MAP4K4: variants seen among roughly 807,000 people sequenced by gnomAD.
MAP4K4 encodes HPK/GCK-like kinase HGK.
Under a neutral mutation model 189.6 loss-of-function variants are expected in MAP4K4, and 38 were observed. The ratio of observed to expected loss-of-function variants is 0.20; its 90% CI spans 0.15 to 0.26. MAP4K4 has a LOEUF of 0.26. MAP4K4 is among the 10% of genes least tolerant of loss of function. MAP4K4 has a pLI of 1.00. For synonymous variants in MAP4K4, 610 were observed against 624.3 expected, an observed-to-expected ratio of 0.98 and a Z score of 0.34; for missense variants, 1,054 against 1,726.9, an observed-to-expected ratio of 0.61 and a Z score of 6.91.
chr2:101,776,305 C>T (rs990115465), intron 2 of MAP4K4, among the ~76,000 whole-genome samples: 7 of 152,270 alleles, frequency 4.6e-5, no homozygotes, highest in African/African-American at 1.7e-4. Flanking sequence ...CATTGCTGTT[C>T]TGCACTCAAG....
At chr2:101,739,669 T>G (rs940868349) in intron 2 of MAP4K4, among the ~76,000 whole-genome samples, 2 of 152,228 alleles carry the variant, frequency 1.3e-5, no homozygotes, top group Admixed American at 1.3e-4. Context: ...GAAAACTTGT[T>G]TCCTTTACAA....
chr2:101,804,849 A>G (rs2094757009), intron 3 of MAP4K4, among the ~76,000 whole-genome samples: 4 of 152,096 alleles, frequency 2.6e-5, no homozygotes, highest in African/African-American at 9.7e-5. Context: ...TGGGAAGCCA[A>G]GGTGGTTGGA....
intron 32 of MAP4K4, among the ~76,000 whole-genome samples, chr2:101,889,394 G>C (rs1329157375): frequency 1.3e-5 from 2 of 152,098 alleles, no homozygotes; most frequent in African/African-American, 4.8e-5. Context: ...CAGAAATGTT[G>C]CACAGTAAAA....
At chr2:101,860,734 C>A in intron 15 of MAP4K4, 91 bp from the exon 16 acceptor site, 1 of 1,127,436 alleles carries the variant, frequency 8.9e-7, no homozygotes, top group Non-Finnish European at 1.2e-6. Flanking sequence ...AGAAAACTTA[C>A]CTTTAGATTT....
chr2:101,794,504 C>T (rs1396822997), intron 3 of MAP4K4, among the ~76,000 whole-genome samples: 1 of 152,126 alleles, frequency 6.6e-6, no homozygotes, highest in Non-Finnish European at 1.5e-5. Context: ...ACACTCTCGG[C>T]TGTTCACTTA....
intron 3 of MAP4K4, among the ~76,000 whole-genome samples, chr2:101,808,357 C>T (rs976185302): frequency 2.6e-5 from 4 of 152,158 alleles, no homozygotes; most frequent in African/African-American, 9.7e-5. Flanking sequence ...TGGCTCTTAA[C>T]ACCGAAGAAT....
intron 10 of MAP4K4, among the ~76,000 whole-genome samples, chr2:101,841,468 T>C (rs1414622448): frequency 6.6e-6 from 1 of 151,516 alleles, no homozygotes; most frequent in East Asian, 1.9e-4. Flanking sequence ...CTGATTTTCA[T>C]CTTTTTTTTT....
chr2:101,860,041 A>G, intron 15 of MAP4K4, 177 bp downstream of exon 15: 1 of 663,776 alleles, frequency 1.5e-6, no homozygotes, highest in East Asian at 2.7e-5. Context: ...CCAAGGTTTC[A>G]TATTCAGTCA....
intron 2 of MAP4K4, among the ~76,000 whole-genome samples, chr2:101,764,325 A>G (rs1325478304): frequency 6.6e-6 from 1 of 152,232 alleles, no homozygotes; most frequent in African/African-American, 2.4e-5. Context: ...ATTTTGTTAG[A>G]AAGGCCATTA....
chr2:101,795,007 G>T (rs1450123743), intron 3 of MAP4K4, among the ~76,000 whole-genome samples: 1 of 152,090 alleles, frequency 6.6e-6, no homozygotes, highest in African/African-American at 2.4e-5. Flanking sequence ...TTTTTGGCAA[G>T]AACACCTCAG....
chr2:101,814,348 C>T (rs955526840), intron 3 of MAP4K4, among the ~76,000 whole-genome samples: 2 of 152,138 alleles, frequency 1.3e-5, no homozygotes, highest in African/African-American at 4.8e-5. Context: ...TTTTGAGTAA[C>T]TTCTGTGGAA....
chr2:101,771,915 T>G (rs2081640134), intron 2 of MAP4K4, among the ~76,000 whole-genome samples: 1 of 152,184 alleles, frequency 6.6e-6, no homozygotes, highest in Non-Finnish European at 1.5e-5. Context: ...GCTTGATGAC[T>G]GGTGATTGAT....
Position 101,736,496 on chromosome 2 carries a change from C to T in MAP4K4, c.123+37958C>T, listed in dbSNP as rs563306670. On this transcript the variant is annotated intron_variant, in intron 2 of 32. Transcript: ENST00000324219. ...AGCACTTGGCACAGTTGTGTTTTTA[C>T]ATTTGTTTGTGCCATCTTTGGTTAG... is the stretch of plus-strand genomic sequence containing the variant. Among the ~76,000 whole-genome samples, 4 of 152,326 alleles carry T rather than the reference C, an allele frequency of 2.6e-5. No individual in the cohort carries two copies. The South Asian group carries it at 8.3e-4, about 32-fold the overall frequency.
chr2:101,838,438 T>C (rs2096827054), intron 9 of MAP4K4, among the ~76,000 whole-genome samples: 1 of 152,244 alleles, frequency 6.6e-6, no homozygotes, highest in Admixed American at 6.5e-5. Context: ...TAACCTATTT[T>C]TCCATTCTTT....
intron 2 of MAP4K4, among the ~76,000 whole-genome samples, chr2:101,761,473 A>G (rs1381834555): frequency 6.6e-6 from 1 of 151,832 alleles, no homozygotes; most frequent in South Asian, 2.1e-4. Context: ...GGGGATATAT[A>G]GAGAGGAGAG....
At chr2:101,838,232 G>A (rs562796316) in intron 9 of MAP4K4, among the ~76,000 whole-genome samples, 1 of 152,246 alleles carries the variant, frequency 6.6e-6, no homozygotes, top group South Asian at 2.1e-4. Flanking sequence ...CAAAGTTTCT[G>A]GTCTGGGGAG....
intron 2 of MAP4K4, among the ~76,000 whole-genome samples, chr2:101,756,027 G>A (rs910702609): frequency 7.7e-6 from 1 of 129,960 alleles, no homozygotes; most frequent in Non-Finnish European, 1.6e-5. Flanking sequence ...TGCAAGCTCC[G>A]CCTCCCAGGT....
intron 3 of MAP4K4, among the ~76,000 whole-genome samples, chr2:101,823,472 G>T (rs528960375): frequency 9.2e-5 from 14 of 152,272 alleles, no homozygotes; most frequent in African/African-American, 3.4e-4. Context: ...TGTCGTGCAG[G>T]GTTGTTAGAG....
intron 5 of MAP4K4, among the ~76,000 whole-genome samples, chr2:101,826,895 C>T (rs2096384465): frequency 6.6e-6 from 1 of 152,048 alleles, no homozygotes; most frequent in African/African-American, 2.4e-5. Context: ...TTGTTTTAAA[C>T]ACCCACTCCC....
Sources: gnomAD v4.1 joint callset for allele counts (sites outside exome capture counted in the v4.1 genomes callset) on GRCh38, gnomAD v4.1.1 for gene constraint, MANE v1.5 for transcripts, NCBI Gene and HGNC (gene_info 2026-07-23, HGNC 2026-07-21) for gene names.